KLHL4: variants seen among roughly 807,000 people sequenced by gnomAD.
KLHL4 encodes kelch like family member 4.
In KLHL4, 17 loss-of-function variants were observed where a neutral mutation model predicts 45.8. That is an observed-to-expected ratio of 0.37 (90% CI 0.25 to 0.56). KLHL4 has a LOEUF of 0.56. Among genes scored for constraint, KLHL4 ranks in the 20% least tolerant of loss-of-function variants. The pLI, the probability that KLHL4 is intolerant of heterozygous loss-of-function variation, is 0.79. For missense variants in KLHL4, 544 were observed against 544.9 expected (o/e 1.00, Z 0.02); for synonymous variants, 224 against 189.9 (o/e 1.18, Z -1.47).
intron 1 of KLHL4, among the ~76,000 whole-genome samples, chrX:87,530,684 G>A (rs769738973): frequency 1.4e-3 from 144 of 105,636 alleles, no homozygotes; most frequent in African/African-American, 4.7e-3. Context: ...TGGACATTTG[G>A]GTTGGTTCCA....
chrX:87,651,290 T>C (rs1370836592), intron 9 of KLHL4, among the ~76,000 whole-genome samples: 1 of 111,140 alleles, frequency 9.0e-6, no homozygotes, highest in Non-Finnish European at 1.9e-5. Flanking sequence ...AGCCAAACCA[T>C]ATCATTCTAC....
At chrX:87,570,322 T>C (rs1932308779) in intron 1 of KLHL4, among the ~76,000 whole-genome samples, 1 of 111,080 alleles carries the variant, frequency 9.0e-6, no homozygotes, top group African/African-American at 3.3e-5. Context: ...AGTGGCCAGT[T>C]AGTTGATAAT....
At chrX:87,521,291 G>A (rs184354848) in intron 1 of KLHL4, among the ~76,000 whole-genome samples, 4 of 111,938 alleles carry the variant, frequency 3.6e-5, no homozygotes, top group African/African-American at 1.3e-4. Flanking sequence ...ATGAGCAGAT[G>A]TTATTGTATA....
At chrX:87,580,327 G>GAA (rs368064169) in intron 1 of KLHL4, among the ~76,000 whole-genome samples, 39,821 of 96,048 alleles carry the variant, frequency 0.41, 6,787 homozygotes, top group East Asian at 0.7. Flanking sequence ...TTGCAAGACA[G>GAA]AAAAAAAAAA....
intron 1 of KLHL4, among the ~76,000 whole-genome samples, chrX:87,548,235 T>C (rs1336822194): frequency 2.7e-5 from 3 of 111,814 alleles, no homozygotes; most frequent in East Asian, 5.6e-4. Context: ...AAAAAACTTT[T>C]ACCCTAGAAT....
intron 3 of KLHL4, among the ~76,000 whole-genome samples, chrX:87,616,393 T>C (rs934000316): frequency 7.1e-5 from 8 of 111,900 alleles, no homozygotes; most frequent in African/African-American, 2.6e-4. Flanking sequence ...CCCTAAATTT[T>C]CATTATGCTC....
At chrX:87,557,837 T>C (rs1486457727) in intron 1 of KLHL4, among the ~76,000 whole-genome samples, 1 of 111,835 alleles carries the variant, frequency 8.9e-6, no homozygotes, top group African/African-American at 3.3e-5. Flanking sequence ...CAGTCCTCTT[T>C]CTTTATCCCA....
chrX:87,635,439 T>A, intron 8 of KLHL4, 124 bp from the exon 9 acceptor site: 2 of 484,084 alleles, frequency 4.1e-6, no homozygotes, highest in Non-Finnish European at 6.9e-6. Context: ...GAATATATAG[T>A]CAGACCCTTC....
intron 1 of KLHL4, among the ~76,000 whole-genome samples, chrX:87,530,117 T>C (rs940636920): frequency 9.0e-6 from 1 of 111,067 alleles, no homozygotes; most frequent in Admixed American, 9.6e-5. Flanking sequence ...GCAGAAGCTC[T>C]TTAGTTTAAT....
At chrX:87,567,691 G>T (rs183423405) in intron 1 of KLHL4, among the ~76,000 whole-genome samples, 1 of 111,663 alleles carries the variant, frequency 9.0e-6, no homozygotes, top group Non-Finnish European at 1.9e-5. Flanking sequence ...ATTCTTAAGC[G>T]AATTAATGCA....
intron 9 of KLHL4, among the ~76,000 whole-genome samples, chrX:87,646,942 G>A (rs918020570): frequency 9.0e-6 from 1 of 111,129 alleles, no homozygotes; most frequent in African/African-American, 3.3e-5. Flanking sequence ...GAAATAATCA[G>A]CAGAGTAAAA....
intron 6 of KLHL4, among the ~76,000 whole-genome samples, chrX:87,630,498 G>A (rs1602453299): frequency 9.0e-6 from 1 of 111,065 alleles, no homozygotes. Context: ...TTTTAAACCT[G>A]CCACAAACTC....
intron 6 of KLHL4, among the ~76,000 whole-genome samples, chrX:87,627,874 C>T (rs902428988): frequency 9.1e-6 from 1 of 110,354 alleles, no homozygotes; most frequent in Non-Finnish European, 1.9e-5. Flanking sequence ...GCATTTTTTT[C>T]GGGCTAATCT....
chrX:87,622,547 C>T lies in KLHL4; in HGVS notation c.1137+124C>T, dbSNP rs181141694. On this transcript the variant is annotated intron_variant, in intron 5 of 10. Transcript: ENST00000373119. ...CCTGGTAATTTGAGTGTACAAGATT[C>T]GTTTCACAGAAGAACATATTCAGCC... The T allele has an allele frequency of 1.9e-4, 82 of 430,017 alleles. 1 individual carries two copies. In the East Asian group the frequency reaches 3.1e-3, roughly 16 times the overall value. The allele number at this position is 430,017 out of a possible 1,213,427, so 35.4% of individuals were successfully genotyped here.
intron 1 of KLHL4, among the ~76,000 whole-genome samples, chrX:87,611,697 T>G (rs867682689): frequency 2.7e-5 from 1 of 37,279 alleles, no homozygotes; most frequent in Non-Finnish European, 5.9e-5. Flanking sequence ...ACTATACTAT[T>G]TTTACCACTA....
Position 87,568,953 on chromosome X carries a change from C to A in KLHL4, c.423-44924C>A, listed in dbSNP as rs761070572. Among the ~76,000 whole-genome samples the A allele has an allele frequency of 3.6e-5, 4 of 111,108 alleles. No homozygotes were observed. The East Asian group carries it at 1.1e-3, about 32-fold the overall frequency. ...AAATATGACGCCAAAGTACAAGAAA[C>A]AAAGAAAACATCAATTAATTGGAAC... On this transcript the variant is annotated intron_variant, in intron 1 of 10. Coordinates refer to ENST00000373119, the MANE Select transcript of KLHL4 (RefSeq NM_019117.5).
intron 1 of KLHL4, among the ~76,000 whole-genome samples, chrX:87,544,257 G>A (rs1048409222): frequency 9.9e-5 from 11 of 111,534 alleles, no homozygotes; most frequent in Non-Finnish European, 1.9e-4. Context: ...GGAGGGAAGA[G>A]TGGGAAGAGC....
intron 1 of KLHL4, among the ~76,000 whole-genome samples, chrX:87,573,625 G>A (rs1921005145): frequency 9.0e-6 from 1 of 110,972 alleles, no homozygotes; most frequent in South Asian, 3.7e-4. Flanking sequence ...AATTTCTGTG[G>A]TAAAGATTTA....
intron 9 of KLHL4, among the ~76,000 whole-genome samples, chrX:87,637,961 A>G (rs188223411): frequency 5.4e-5 from 6 of 111,461 alleles, no homozygotes; most frequent in African/African-American, 1.6e-4. Flanking sequence ...AAATAAATAA[A>G]TAAATACACA....
Sources: allele counts gnomAD v4.1 joint callset (sites outside exome capture counted in the v4.1 genomes callset), GRCh38; gene constraint gnomAD v4.1.1; transcripts MANE v1.5; gene names NCBI Gene and HGNC (gene_info 2026-07-23, HGNC 2026-07-21).